MAVS: variants seen among roughly 807,000 people sequenced by gnomAD.
The protein encoded by MAVS is mitochondrial antiviral-signaling protein.
In MAVS, 20 loss-of-function variants were observed where a neutral mutation model predicts 30.2. The ratio of observed to expected loss-of-function variants is 0.66; its 90% CI spans 0.47 to 0.96. The LOEUF (loss-of-function observed/expected upper bound fraction) is 0.96, where lower values mean the gene tolerates loss of function less well. Ranked by LOEUF, MAVS falls within the 40% of genes least tolerant of loss-of-function variation. The pLI, the probability that MAVS is intolerant of heterozygous loss-of-function variation, is 0.00. For synonymous variants in MAVS, 278 were observed against 293.9 expected, an observed-to-expected ratio of 0.95 and a Z score of 0.55; for missense variants, 624 against 701.1, an observed-to-expected ratio of 0.89 and a Z score of 1.24.
At chr20:3,848,294 TCA>T (rs1487281961) in intron 1 of MAVS, among the ~76,000 whole-genome samples, 10 of 152,144 alleles carry the variant, frequency 6.6e-5, no homozygotes, top group Non-Finnish European at 1.0e-4. Context: ...AGACGGGGTT[TCA>T]CCATGTTGGC....
At chr20:3,851,414 G>A (rs374485975) in intron 1 of MAVS, among the ~76,000 whole-genome samples, 68 of 149,668 alleles carry the variant, frequency 4.5e-4, no homozygotes, top group African/African-American at 1.4e-3. Context: ...GCTGAGGCAG[G>A]AGAATTGCTT....
At chr20:3,852,234 T>C (rs2089768033) in intron 1 of MAVS, among the ~76,000 whole-genome samples, 1 of 152,006 alleles carries the variant, frequency 6.6e-6, no homozygotes, top group East Asian at 1.9e-4. Flanking sequence ...GACCTCGTGA[T>C]CCACCCGCCT....
intron 3 of MAVS, among the ~76,000 whole-genome samples, chr20:3,860,667 G>A (rs1260844000): frequency 2.7e-5 from 4 of 150,446 alleles, no homozygotes; most frequent in Non-Finnish European, 4.4e-5. Context: ...GAGCCACCAC[G>A]TCTGGCTTCT....
At chr20:3,851,934 A>C (rs2089763195) in intron 1 of MAVS, among the ~76,000 whole-genome samples, 1 of 151,866 alleles carries the variant, frequency 6.6e-6, no homozygotes, top group Non-Finnish European at 1.5e-5. Flanking sequence ...CAGCCTGGGC[A>C]ACAAGAGTCT....
Position 3,870,688 on chromosome 20 carries a change from C to A in MAVS, c.*4541C>A, listed in dbSNP as rs2146784510. On this transcript the variant is annotated 3_prime_UTR_variant, in exon 7 of 7. Transcript: ENST00000428216. The stretch of plus-strand genomic sequence containing the variant: ...AAAAAAAAAAAAAATCTAGGAGATG[C>A]TCTTTACCCTGCCTGGCCTCAAACT... 7.7e-6 allele frequency: 1 copy of A among 130,168 alleles called. No individual in the cohort carries two copies. Among genetic ancestry groups the A allele is most frequent in the East Asian group, 2.6e-4 (1 of 3,838 alleles). 8.1% of individuals were successfully genotyped at this position (130,168 alleles called of 1,614,324 possible). A position where few individuals can be genotyped will look rare whatever the true frequency, so the allele number is the denominator to read the frequency against.
intron 4 of MAVS, among the ~76,000 whole-genome samples, chr20:3,861,936 A>G (rs1186911331): frequency 2.0e-5 from 3 of 152,052 alleles, no homozygotes; most frequent in Admixed American, 6.6e-5. Context: ...TTTAGTAGAG[A>G]TGGGGTTTTG....
chr20:3,862,109 T>G (rs1272534798), intron 4 of MAVS, 145 bp from the exon 5 acceptor site: 1 of 857,556 alleles, frequency 1.2e-6, no homozygotes, highest in Non-Finnish European at 1.8e-6. Flanking sequence ...GTCTGGGAAT[T>G]ACCAGAACCC....
chr20:3,855,191 C>T (rs1165101622), intron 2 of MAVS, among the ~76,000 whole-genome samples: 1 of 152,076 alleles, frequency 6.6e-6, no homozygotes, highest in East Asian at 1.9e-4. Flanking sequence ...ACCCTTGCTG[C>T]TTTTCTAACT....
In MAVS at chr20:3,874,168, C is replaced by T. The variant is rs2089974793; in HGVS notation, c.*8021C>T. On this transcript the variant is annotated 3_prime_UTR_variant, in exon 7 of 7. Coordinates refer to ENST00000428216, the MANE Select transcript of MAVS (RefSeq NM_020746.5). ...AGGTCAAGCAAAAGAGGTCAGAGTC[C>T]TCATCATCAAGAGAGAATTCATTGT... 2.5e-6 allele frequency: 1 copy of T among 398,426 alleles called. No individual in the cohort carries two copies. The highest frequency in any genetic ancestry group is 4.4e-5 in the Admixed American group (1 of 22,686). The allele number at this position is 398,426 out of a possible 1,614,324, so 24.7% of individuals were successfully genotyped here.
intron 1 of MAVS, among the ~76,000 whole-genome samples, chr20:3,853,563 G>A (rs957060207): frequency 6.6e-6 from 1 of 152,072 alleles, no homozygotes; most frequent in Non-Finnish European, 1.5e-5. Context: ...ACAGGCGGAG[G>A]CAGGGGGATC....
In MAVS at chr20:3,869,798, T is replaced by G. The variant is rs1600459013; in HGVS notation, c.*3651T>G. The stretch of plus-strand genomic sequence containing the variant: ...TTTCGTATTTTTAGTAGAGACGGGG[T>G]TTCTCCATGTTGGCCAGGCTGTTCT... On this transcript the variant is annotated 3_prime_UTR_variant, in exon 7 of 7. Coordinates refer to ENST00000428216, the MANE Select transcript of MAVS (RefSeq NM_020746.5). The G allele has an allele frequency of 6.6e-6, 1 of 151,804 alleles. No homozygotes were observed. Among genetic ancestry groups the G allele is most frequent in the Non-Finnish European group, 1.5e-5 (1 of 68,010 alleles). The allele number at this position is 151,804 out of a possible 1,614,324, so 9.4% of individuals were successfully genotyped here.
rs1375015615 is a variant in MAVS at position 3,870,781 on chromosome 20, G to A, written c.*4634G>A. The A allele has an allele frequency of 1.4e-5, 2 of 147,920 alleles. No homozygotes were observed. Among genetic ancestry groups the A allele is most frequent in the African/African-American group, 2.5e-5 (1 of 40,130 alleles). 9.2% of individuals were successfully genotyped at this position (147,920 alleles called of 1,614,324 possible). ...CAAACACAAAAAAGTAGAGAGAGTA[G>A]AATAACAAATCCCCATGAGCCCATC... On this transcript the variant is annotated 3_prime_UTR_variant, in exon 7 of 7. Transcript: ENST00000428216.
rs1022913385 is a variant in MAVS at position 3,869,009 on chromosome 20, T to C, written c.*2862T>C. Reference sequence around the variant, plus strand: ...GCCCCGCCTCCCATCCTCCCATCTTTTTCTTTTTTCTTTTTTTTAGAGAAT... The same window carrying C: ...GCCCCGCCTCCCATCCTCCCATCTTCTTCTTTTTTCTTTTTTTTAGAGAAT... On this transcript the variant is annotated 3_prime_UTR_variant, in exon 7 of 7. Coordinates refer to ENST00000428216, the MANE Select transcript of MAVS (RefSeq NM_020746.5). The C allele has an allele frequency of 6.6e-6, 1 of 152,252 alleles. No individual in the cohort carries two copies. Among genetic ancestry groups the C allele is most frequent in the African/African-American group, 2.4e-5 (1 of 41,422 alleles). 9.4% of individuals were successfully genotyped at this position (152,252 alleles called of 1,614,324 possible).
chr20:3,861,977 G>A (rs879405331), intron 4 of MAVS, among the ~76,000 whole-genome samples: 3 of 152,150 alleles, frequency 2.0e-5, no homozygotes, highest in Non-Finnish European at 4.4e-5. Flanking sequence ...TCGAACTCCT[G>A]ACCTCAGGTG....
chr20:3,855,477 C>A (rs998042626), intron 2 of MAVS, among the ~76,000 whole-genome samples: 2 of 152,138 alleles, frequency 1.3e-5, no homozygotes, highest in Admixed American at 1.3e-4. Flanking sequence ...GTCGCTCTAG[C>A]CCCAACAGAA....
chr20:3,853,215 G>A (rs925625763), intron 1 of MAVS, among the ~76,000 whole-genome samples: 15 of 148,526 alleles, frequency 1.0e-4, no homozygotes, highest in Non-Finnish European at 1.6e-4. Flanking sequence ...GGCCGGGCGC[G>A]GTGGCTCACG....
rs1017574467 is a variant in MAVS at position 3,865,253 on chromosome 20, C to T, written c.1159-430C>T. On this transcript the variant is annotated intron_variant, in intron 6 of 6. Coordinates refer to ENST00000428216, the MANE Select transcript of MAVS (RefSeq NM_020746.5). The surrounding 1 kb of genome is among the most constrained non-coding windows in gnomAD (Gnocchi z 4.7). ...GCAGCCACTCGGACCCAGCAGCCCC[C>T]CATTGTTGCCTGCTCCAAGCCTCAC... Among the ~76,000 whole-genome samples the T allele has an allele frequency of 6.6e-6, 1 of 152,150 alleles. No homozygotes were observed. The highest frequency in any genetic ancestry group is 1.5e-5 in the Non-Finnish European group (1 of 68,044).
chr20:3,854,644 A>AGACCT lies in MAVS; in HGVS notation c.21_25dup (p.Tyr9Ter). Reference sequence around the variant, plus strand: ...GCAGCAATGCCGTTTGCTGAAGACAAGACCTATAAGTATATCTGCCGCAAT... The same window carrying AGACCT: ...GCAGCAATGCCGTTTGCTGAAGACAAGACCTGACCTATAAGTATATCTGCCGCAAT... On this transcript the variant is annotated frameshift_variant, in exon 2 of 7. Coordinates refer to ENST00000428216, the MANE Select transcript of MAVS (RefSeq NM_020746.5). LOFTEE classifies it high-confidence loss of function. 6.2e-7 allele frequency: 1 copy of AGACCT among 1,613,726 alleles called. No homozygotes were observed. The highest frequency in any genetic ancestry group is 8.5e-7 in the Non-Finnish European group (1 of 1,179,784).
At chr20:3,851,503 CA>C (rs57620434) in intron 1 of MAVS, among the ~76,000 whole-genome samples, 14,999 of 95,678 alleles carry the variant, frequency 0.16, 967 homozygotes, top group African/African-American at 0.34. Context: ...GACTCTGTCT[CA>C]AAAAAAAAAA....
Sources: gnomAD v4.1 joint callset for allele counts (sites outside exome capture counted in the v4.1 genomes callset) on GRCh38, gnomAD v4.1.1 for gene constraint, Gnocchi (gnomAD v3.1) non-coding constraint, MANE v1.5 for transcripts, NCBI Gene and HGNC (gene_info 2026-07-23, HGNC 2026-07-21) for gene names.